The following PHACTR2 variants were observed in gnomAD, a reference collection of about 807,000 sequenced individuals.
PHACTR2 encodes chromosome 6 open reading frame 56.
Under a neutral mutation model 76.0 loss-of-function variants are expected in PHACTR2, and 30 were observed. The ratio of observed to expected loss-of-function variants is 0.39; its 90% CI spans 0.30 to 0.54. The LOEUF (loss-of-function observed/expected upper bound fraction) is 0.54. Among genes scored for constraint, PHACTR2 ranks in the 20% least tolerant of loss-of-function variants. PHACTR2 has a pLI of 0.61. For missense variants in PHACTR2, 696 were observed against 781.1 expected (o/e 0.89, Z 1.30); for synonymous variants, 292 against 292.5 (o/e 1.00, Z 0.02).
intron 1 of PHACTR2, among the ~76,000 whole-genome samples, chr6:143,542,670 G>C (rs766974469): frequency 4.6e-5 from 7 of 152,188 alleles, no homozygotes; most frequent in Non-Finnish European, 7.4e-5. Flanking sequence ...CTACCTACCT[G>C]ACAGCAATCT....
At chr6:143,642,226 T>C (rs929129693) in intron 1 of PHACTR2, among the ~76,000 whole-genome samples, 13 of 152,238 alleles carry the variant, frequency 8.5e-5, no homozygotes, top group African/African-American at 3.1e-4. Flanking sequence ...TCTTGGAATG[T>C]CCTACAGTTT....
intron 1 of PHACTR2, among the ~76,000 whole-genome samples, chr6:143,538,553 C>A (rs540429630): frequency 6.6e-6 from 1 of 152,310 alleles, no homozygotes; most frequent in East Asian, 1.9e-4. Flanking sequence ...GGGGCGTGAA[C>A]GTGCACTGTA....
At position 143,749,072 on chromosome 6, in the gene PHACTR2, A is replaced by G; in HGVS notation, c.295+7A>G. On this transcript the variant is annotated splice_region_variant and intron_variant, in intron 3 of 12. Coordinates refer to ENST00000440869, the MANE Select transcript of PHACTR2 (RefSeq NM_001100164.2). ...AAGGAATTGCCTGATCAAGGTGAGG[A>G]AATTAATCATACATTTTAAATATTT... The G allele has an allele frequency of 7.0e-7, 1 of 1,430,064 alleles. No homozygotes were observed. Among genetic ancestry groups the G allele is most frequent in the South Asian group, 1.2e-5 (1 of 85,984 alleles). 88.6% of individuals were successfully genotyped at this position (1,430,064 alleles called of 1,614,324 possible).
rs1161862681 is a variant in PHACTR2 at position 143,826,969 on chromosome 6, T to C, written c.*3280T>C. The C allele has an allele frequency of 6.6e-6, 1 of 151,576 alleles. No homozygotes were observed. The highest frequency in any genetic ancestry group is 2.4e-5 in the African/African-American group (1 of 41,264). The allele number at this position is 151,576 out of a possible 1,614,324, so 9.4% of individuals were successfully genotyped here. ...TATCTTTCTCTAATGTTAGTAAATA[T>C]ATTCTGTTAGTAGGAAGTTCTGAAA... On this transcript the variant is annotated 3_prime_UTR_variant, in exon 13 of 13. Coordinates refer to ENST00000440869, the MANE Select transcript of PHACTR2 (RefSeq NM_001100164.2).
intron 1 of PHACTR2, among the ~76,000 whole-genome samples, chr6:143,567,896 T>C (rs7774497): frequency 0.61 from 92,694 of 151,500 alleles, 28,661 homozygotes; most frequent in Middle Eastern, 0.72. Flanking sequence ...CAGAAGCAAT[T>C]GAAGCATTGA....
intron 1 of PHACTR2, among the ~76,000 whole-genome samples, chr6:143,566,102 C>T (rs1210744104): frequency 2.0e-5 from 3 of 150,742 alleles, no homozygotes; most frequent in African/African-American, 7.3e-5. Context: ...AGTAGCTAGG[C>T]CTTCTGGTGC....
In PHACTR2 at chr6:143,783,088, C is replaced by A. The variant is rs1775470715; in HGVS notation, c.1646-131C>A. On this transcript the variant is annotated intron_variant, in intron 9 of 12. Transcript: ENST00000440869. The surrounding 1 kb of genome is among the most constrained non-coding windows in gnomAD (Gnocchi z 5.2). ...ACCTTCCTACAAAATATTTTGACAA[C>A]TTTTTAACAATGTTGGTTGTGTGTT... is the stretch of plus-strand genomic sequence containing the variant. 4 of 514,918 alleles carry A rather than the reference C, an allele frequency of 7.8e-6. No homozygotes were observed. Among genetic ancestry groups the A allele is most frequent in the African/African-American group, 2.0e-5 (1 of 50,376 alleles). 31.9% of individuals were successfully genotyped at this position (514,918 alleles called of 1,614,324 possible).
rs913232418 is a variant in PHACTR2, at chr6:143,619,586, T to C, written c.13+11264T>C. Among the ~76,000 whole-genome samples, 1 of 152,188 alleles carries C rather than the reference T, an allele frequency of 6.6e-6. No homozygotes were observed. The highest frequency in any genetic ancestry group is 1.5e-5 in the Non-Finnish European group (1 of 68,034). On this transcript the variant is annotated intron_variant, in intron 1 of 11. Coordinates refer to the PHACTR2 transcript ENST00000305766. The surrounding 1 kb of genome is among the most constrained non-coding windows in gnomAD (Gnocchi z 4.5). ...ACTGTTGCATGGGAATGGTGGTACA[T>C]TCTGTTTTCTCTTCCTCCACTTACT...
At chr6:143,613,031 C>G (rs1409086511) in intron 1 of PHACTR2, among the ~76,000 whole-genome samples, 1 of 152,198 alleles carries the variant, frequency 6.6e-6, no homozygotes, top group Non-Finnish European at 1.5e-5. Context: ...CCCGGGAGTG[C>G]GGTGGCGCAA....
At chr6:143,723,007 T>G (rs1303407478) in intron 2 of PHACTR2, among the ~76,000 whole-genome samples, 1 of 152,220 alleles carries the variant, frequency 6.6e-6, no homozygotes, top group African/African-American at 2.4e-5. Context: ...TGTACTACAT[T>G]TTCTTTACCC....
At position 143,647,247 on chromosome 6, in the gene PHACTR2, T is replaced by G. The variant is rs1776675571; in HGVS notation, c.13+38925T>G. Among the ~76,000 whole-genome samples the G allele has an allele frequency of 6.6e-6, 1 of 152,220 alleles. No homozygotes were observed. On this transcript the variant is annotated intron_variant, in intron 1 of 11. Transcript: ENST00000305766. This position sits in a 1 kb window ranked among gnomAD's most constrained non-coding sequence, Gnocchi z 4.2. ...GTGATGTAGATAATATTAGTCCTAT[T>G]TTGCAGATGAGGAAACCAAGACTCT...
chr6:143,596,194 C>A lies in PHACTR2; in HGVS notation c.217+58987C>A, dbSNP rs916273972. Reference sequence around the variant, plus strand: ...TGATCCTCAGGCCTGCAAAACTGGCCATGAAAAATACTTTTGTTGTCCCCA... The same window carrying A: ...TGATCCTCAGGCCTGCAAAACTGGCAATGAAAAATACTTTTGTTGTCCCCA... On this transcript the variant is annotated intron_variant, in intron 1 of 11. Transcript: ENST00000367584. The surrounding 1 kb of genome is among the most constrained non-coding windows in gnomAD (Gnocchi z 4.6). 1.3e-5 allele frequency among the ~76,000 whole-genome samples: 2 copies of A among 152,136 alleles called. No individual in the cohort carries two copies. Among genetic ancestry groups the A allele is most frequent in the Non-Finnish European group, 2.9e-5 (2 of 68,020 alleles).
intron 1 of PHACTR2, among the ~76,000 whole-genome samples, chr6:143,586,491 C>T (rs988160867): frequency 6.6e-6 from 1 of 152,032 alleles, no homozygotes; most frequent in African/African-American, 2.4e-5. Context: ...TTGGCTTTGC[C>T]CAGGAAAGAA....
intron 2 of PHACTR2, among the ~76,000 whole-genome samples, chr6:143,734,874 C>T (rs924699793): frequency 1.3e-5 from 2 of 152,108 alleles, no homozygotes; most frequent in African/African-American, 4.8e-5. Context: ...CTACAGAAGC[C>T]CTTCTGGCCT....
chr6:143,799,749 G>C (rs989498338), intron 11 of PHACTR2, among the ~76,000 whole-genome samples: 1 of 152,178 alleles, frequency 6.6e-6, no homozygotes, highest in African/African-American at 2.4e-5. Flanking sequence ...TGGTCTGAGA[G>C]ACAGTTTGAT....
rs1471044156 is a variant in PHACTR2, at chr6:143,775,398, C to T, written c.1589+1183C>T. Reference sequence around the variant, plus strand: ...GACCATTTCTGGCTTCGGGAAAAAGCCAGCAGAAGCAAGAGGGACTAACGT... The same window carrying T: ...GACCATTTCTGGCTTCGGGAAAAAGTCAGCAGAAGCAAGAGGGACTAACGT... On this transcript the variant is annotated intron_variant, in intron 8 of 12. Coordinates refer to ENST00000440869, the MANE Select transcript of PHACTR2 (RefSeq NM_001100164.2). The surrounding 1 kb of genome is among the most constrained non-coding windows in gnomAD (Gnocchi z 4.4). Among the ~76,000 whole-genome samples, 2 of 152,136 alleles carry T rather than the reference C, an allele frequency of 1.3e-5. No individual in the cohort carries two copies. Among genetic ancestry groups the T allele is most frequent in the Admixed American group, 1.3e-4 (2 of 15,274 alleles).
At position 143,782,590 on chromosome 6, in the gene PHACTR2, C is replaced by T. The variant is rs1359363857; in HGVS notation, c.1646-629C>T. Among the ~76,000 whole-genome samples the T allele has an allele frequency of 1.3e-5, 2 of 152,180 alleles. No individual in the cohort carries two copies. Among genetic ancestry groups the T allele is most frequent in the African/African-American group, 4.8e-5 (2 of 41,436 alleles). On this transcript the variant is annotated intron_variant, in intron 9 of 12. Transcript: ENST00000440869. The surrounding 1 kb of genome is among the most constrained non-coding windows in gnomAD (Gnocchi z 4.6). ...AGAGAACGAGAAGACTTTGGAAAGG[C>T]AAAGTCACAAGAAAATAAATAATTT...
intron 1 of PHACTR2, among the ~76,000 whole-genome samples, chr6:143,559,310 A>G (rs1441890195): frequency 1.3e-5 from 2 of 152,230 alleles, no homozygotes; most frequent in Non-Finnish European, 2.9e-5. Context: ...TTAAGAATTC[A>G]GAGGCAGAAT....
intron 2 of PHACTR2, among the ~76,000 whole-genome samples, chr6:143,724,212 C>T (rs1041032874): frequency 4.6e-5 from 7 of 152,028 alleles, no homozygotes; most frequent in East Asian, 1.9e-4. Flanking sequence ...CTCGGCTCAC[C>T]GCAAGCTCCG....
Sources: gnomAD v4.1 joint callset for allele counts (sites outside exome capture counted in the v4.1 genomes callset) on GRCh38, gnomAD v4.1.1 for gene constraint, Gnocchi (gnomAD v3.1) non-coding constraint, MANE v1.5 for transcripts, NCBI Gene and HGNC (gene_info 2026-07-23, HGNC 2026-07-21) for gene names.